The following BAZ2B variants were observed in gnomAD, a reference collection of about 807,000 sequenced individuals.
The protein encoded by BAZ2B is bromodomain adjacent to zinc finger domain protein 2B.
BAZ2B carries 91 observed loss-of-function variants against 246.0 expected under a neutral mutation model. The observed-to-expected ratio is 0.37, with a 90% CI of 0.31 to 0.44. The LOEUF (loss-of-function observed/expected upper bound fraction) is 0.44, where lower values mean the gene tolerates loss of function less well. Ranked by LOEUF, BAZ2B falls within the 20% of genes least tolerant of loss-of-function variation. The pLI, the probability that BAZ2B is intolerant of heterozygous loss-of-function variation, is 1.00. For missense variants in BAZ2B, 2,332 were observed against 2,533.7 expected, an observed-to-expected ratio of 0.92 and a Z score of 1.71; for synonymous variants, 855 against 860.0, an observed-to-expected ratio of 0.99 and a Z score of 0.10.
At chr2:159,539,070 C>T (rs969753507) in intron 2 of BAZ2B, among the ~76,000 whole-genome samples, 2 of 152,148 alleles carry the variant, frequency 1.3e-5, no homozygotes, top group African/African-American at 4.8e-5. Flanking sequence ...GCGGAAATCT[C>T]CATAGAGTGA....
chr2:159,574,782 G>A (rs985207276), intron 1 of BAZ2B, among the ~76,000 whole-genome samples: 68 of 151,798 alleles, frequency 4.5e-4, no homozygotes, highest in African/African-American at 1.5e-3. Flanking sequence ...TCAAAAATTC[G>A]AGATCAGCCT....
At chr2:159,652,820 G>A in the BAZ2B span, among the ~76,000 whole-genome samples, 3 of 151,784 alleles carry the variant, frequency 2.0e-5, no homozygotes, top group African/African-American at 7.3e-5. Context: ...GTCTCACTCT[G>A]TAGCCCAGGC....
At chr2:159,483,893 TA>T (rs75620176) in intron 2 of BAZ2B, among the ~76,000 whole-genome samples, 326 of 142,238 alleles carry the variant, frequency 2.3e-3, no homozygotes, top group Middle Eastern at 7.1e-3. Flanking sequence ...AACACTATAG[TA>T]AAAAAAAAAA....
At chr2:159,621,666 GA>G in the BAZ2B span, among the ~76,000 whole-genome samples, 2 of 152,260 alleles carry the variant, frequency 1.3e-5, no homozygotes, top group Admixed American at 6.5e-5. Context: ...GGAAGAGATG[GA>G]CTTTTTGATA....
chr2:159,540,023 T>C (rs929995332), intron 2 of BAZ2B, among the ~76,000 whole-genome samples: 1 of 152,182 alleles, frequency 6.6e-6, no homozygotes, highest in Non-Finnish European at 1.5e-5. Flanking sequence ...CCTTCCTCCA[T>C]CCCTGTTTGG....
chr2:159,668,133 T>C, the BAZ2B span, among the ~76,000 whole-genome samples: 1 of 152,182 alleles, frequency 6.6e-6, no homozygotes, highest in Non-Finnish European at 1.5e-5. Flanking sequence ...TTTCTTTTGA[T>C]GAAATTTTTA....
intron 27 of BAZ2B, among the ~76,000 whole-genome samples, chr2:159,352,486 CT>C (rs111657452): frequency 0.037 from 5,267 of 143,220 alleles, 154 homozygotes; most frequent in African/African-American, 0.092. Flanking sequence ...ATGTCTATAT[CT>C]TTTTTTTTTT....
the BAZ2B span, among the ~76,000 whole-genome samples, chr2:159,686,910 C>T: frequency 1.3e-5 from 2 of 151,766 alleles, no homozygotes; most frequent in South Asian, 2.1e-4. Context: ...GGCATGGTGG[C>T]GGGTGCCTGT....
At chr2:159,667,924 G>C in the BAZ2B span, among the ~76,000 whole-genome samples, 1 of 151,790 alleles carries the variant, frequency 6.6e-6, no homozygotes, top group Non-Finnish European at 1.5e-5. Flanking sequence ...CTCTCAAAAT[G>C]GTCTACTGAA....
At chr2:159,640,700 G>C in the BAZ2B span, among the ~76,000 whole-genome samples, 1 of 151,902 alleles carries the variant, frequency 6.6e-6, no homozygotes, top group Non-Finnish European at 1.5e-5. Context: ...ACTGAAGGCA[G>C]TAGTAAGAAG....
chr2:159,334,572 A>C (rs1397836560), intron 33 of BAZ2B, among the ~76,000 whole-genome samples: 2 of 152,238 alleles, frequency 1.3e-5, no homozygotes, highest in African/African-American at 2.4e-5. Flanking sequence ...TAATCTTTGA[A>C]TATGAAACAC....
chr2:159,529,656 G>C (rs2085157372), intron 2 of BAZ2B, among the ~76,000 whole-genome samples: 1 of 152,070 alleles, frequency 6.6e-6, no homozygotes, highest in Non-Finnish European at 1.5e-5. Context: ...TTTCTCCTAA[G>C]TGTTAGTTGC....
Position 159,555,060 on chromosome 2 carries a change from T to C in BAZ2B, c.-3+763A>G, listed in dbSNP as rs539154598. 4.1e-5 allele frequency among the ~76,000 whole-genome samples: 6 copies of C among 147,546 alleles called. No individual in the cohort carries two copies. The South Asian group carries it at 1.3e-3, about 32-fold the overall frequency. The stretch of plus-strand genomic sequence containing the variant: ...GGCTATATATATGTGGTATGTGGTG[T>C]ATGTGGGGGGTGTGTGTGTGTGTGT... On this transcript the variant is annotated intron_variant, in intron 2 of 36. Transcript: ENST00000392783.
At chr2:159,581,576 A>G in intron 1 of BAZ2B, among the ~76,000 whole-genome samples, 1 of 152,186 alleles carries the variant, frequency 6.6e-6, no homozygotes, top group East Asian at 1.9e-4. Flanking sequence ...TACTAGGTAT[A>G]CACCCAAAGG....
the BAZ2B span, among the ~76,000 whole-genome samples, chr2:159,708,746 TA>T: frequency 6.6e-6 from 1 of 152,018 alleles, no homozygotes; most frequent in Non-Finnish European, 1.5e-5. Flanking sequence ...GGCTAATTTT[TA>T]AAATTTTTTT....
chr2:159,624,011 AGG>A, the BAZ2B span, among the ~76,000 whole-genome samples: 1 of 152,056 alleles, frequency 6.6e-6, no homozygotes, highest in African/African-American at 2.4e-5. Context: ...TGGTGGGGGG[AGG>A]GGCATCTGCC....
intron 1 of BAZ2B, among the ~76,000 whole-genome samples, chr2:159,594,820 A>G (rs1343114483): frequency 6.6e-6 from 1 of 152,158 alleles, no homozygotes; most frequent in African/African-American, 2.4e-5. Flanking sequence ...TTTTGTAGAG[A>G]CAGGGCTTCA....
chr2:159,506,095 C>G lies in BAZ2B; in HGVS notation c.-2-27374G>C, dbSNP rs2082299248. On this transcript the variant is annotated intron_variant, in intron 2 of 36. Transcript: ENST00000392783. ...TTCTGCCCCTCCCAAAAATCTCTTA[C>G]AAGGGCTGGCTGGCAAGTTTACTAT... 2.0e-5 allele frequency among the ~76,000 whole-genome samples: 3 copies of G among 152,088 alleles called. No individual in the cohort carries two copies. The South Asian group carries it at 6.2e-4, about 32-fold the overall frequency.
the BAZ2B span, among the ~76,000 whole-genome samples, chr2:159,628,352 G>C: frequency 6.6e-6 from 1 of 152,066 alleles, no homozygotes; most frequent in Non-Finnish European, 1.5e-5. Context: ...AAATGAGCCC[G>C]CATGGCCAAG....
Sources: gnomAD v4.1 joint callset for allele counts (sites outside exome capture counted in the v4.1 genomes callset) on GRCh38, gnomAD v4.1.1 for gene constraint, MANE v1.5 for transcripts, NCBI Gene and HGNC (gene_info 2026-07-23, HGNC 2026-07-21) for gene names.